The following DNAJB2 variants were observed in gnomAD, a reference collection of about 807,000 sequenced individuals.
DNAJB2 encodes the protein DnaJ heat shock protein family (Hsp40) member B2, also known as dnaJ homolog subfamily B member 2.
DNAJB2 carries 19 observed loss-of-function variants against 33.3 expected under a neutral mutation model. The observed-to-expected ratio is 0.57, with a 90% CI of 0.40 to 0.84. The LOEUF is 0.84. Among genes scored for constraint, DNAJB2 ranks in the 40% least tolerant of loss-of-function variants. DNAJB2 has a pLI of 0.00. For synonymous variants in DNAJB2, 172 were observed against 164.6 expected (o/e 1.04, Z -0.34); for missense variants, 368 against 430.9 (o/e 0.85, Z 1.29).
At position 219,281,962 on chromosome 2, in the gene DNAJB2, G is replaced by A; in HGVS notation, c.253G>A (p.Ala85Thr). ...AGGAACTGGCCCATCTCGGGCAGAA[G>A]CTGGCAGTGGTGGGCCTGGCTTCAC... ...GTGTGPSRAE[A>T]GSGGPGFTFT... The change falls in exon 5 of 9, where the codon GCT becomes ACT. Residue 85 changes from alanine to threonine, a missense_variant. Coordinates refer to ENST00000336576, the MANE Select transcript of DNAJB2 (RefSeq NM_006736.6). 6.2e-7 allele frequency: 1 copy of A among 1,614,200 alleles called. No individual in the cohort carries two copies. Among genetic ancestry groups the A allele is most frequent in the Non-Finnish European group, 8.5e-7 (1 of 1,180,038 alleles).
rs1408021796 is a variant in DNAJB2, at chr2:219,281,946, C to T, written c.237C>T (p.Gly79=). 6.2e-7 allele frequency: 1 copy of T among 1,614,084 alleles called. No individual in the cohort carries two copies. Among genetic ancestry groups the T allele is most frequent in the Non-Finnish European group, 8.5e-7 (1 of 1,179,980 alleles). Residue 79 remains glycine (G), a synonymous_variant, in exon 5 of 9, where the codon GGC becomes GGT. Transcript: ENST00000336576. ...CTCATCCTGCCTTTCCAGGAACTGG[C>T]CCATCTCGGGCAGAAGCTGGCAGTG... ...GREGLTGTGT[G]PSRAEAGSGG...
At chr2:219,283,992 TC>T (rs1951930351) in intron 8 of DNAJB2, among the ~76,000 whole-genome samples, 1 of 152,230 alleles carries the variant, frequency 6.6e-6, no homozygotes, top group South Asian at 2.1e-4. Context: ...AGCTAACCTT[TC>T]ACGCCTGCTG....
intron 5 of DNAJB2, 163 bp from the exon 6 acceptor site, chr2:219,282,674 G>C (rs906602569): frequency 1.7e-6 from 1 of 576,544 alleles, no homozygotes; most frequent in Non-Finnish European, 2.8e-6. Context: ...GAGTGTTTTC[G>C]AATTCAACAT....
rs767377598 is a variant in DNAJB2 at position 219,281,744 on chromosome 2, T to C, written c.202T>C (p.Tyr68His). Residue 68 changes from tyrosine (Y) to histidine (H), a missense_variant, in exon 4 of 9, where the codon TAT becomes CAT. By Grantham distance (83) the Tyr-to-His change is moderately conservative. Transcript: ENST00000336576. ...GCACAAGCGGGAGATTTACGACCGC[T>C]ATGGCCGGGAAGGGCTGACAGGGAC... ...DKHKREIYDR[Y>H]GREGLTGTGT... 1.2e-6 allele frequency: 2 copies of C among 1,613,984 alleles called. No individual in the cohort carries two copies. The highest frequency in any genetic ancestry group is 3.3e-5 in the Admixed American group (2 of 60,014).
intron 6 of DNAJB2, 77 bp downstream of exon 6, chr2:219,283,006 C>T (rs1951919906): frequency 5.7e-6 from 9 of 1,568,480 alleles, no homozygotes; most frequent in Non-Finnish European, 6.9e-6. Flanking sequence ...TTTTCCAAGC[C>T]TGTCTCCTGT....
At position 219,285,130 on chromosome 2, in the gene DNAJB2, A is replaced by G. The variant is rs2125083996; in HGVS notation, c.*143A>G. 6 of 1,378,472 alleles carry G rather than the reference A, an allele frequency of 4.4e-6. No homozygotes were observed. Among genetic ancestry groups the G allele is most frequent in the Non-Finnish European group, 4.7e-6 (5 of 1,061,728 alleles). 85.4% of individuals were successfully genotyped at this position (1,378,472 alleles called of 1,614,324 possible). ...CACAAGTTTCCCTCCCAGGCCCCCC[A>G]CACCCCAGTGTGGACTTGGGATTTG... On this transcript the variant is annotated 3_prime_UTR_variant, in exon 9 of 9. Coordinates refer to ENST00000336576, the MANE Select transcript of DNAJB2 (RefSeq NM_006736.6).
In DNAJB2 at chr2:219,283,457, A is replaced by C. The variant is rs750128603; in HGVS notation, c.587A>C (p.Glu196Ala). The change falls in exon 8 of 9, where the codon GAG (glutamate) becomes GCG (alanine). Residue 196 changes from glutamate to alanine, a missense_variant. Coordinates refer to ENST00000336576, the MANE Select transcript of DNAJB2 (RefSeq NM_006736.6). ...ENGQERVEVE[E>A]DGQLKSVTIN... ...GGGCAGGAGCGGGTGGAAGTGGAGG[A>C]GGATGGGCAGCTGAAGTCAGTCACA... The C allele has an allele frequency of 4.3e-6, 7 of 1,614,086 alleles. No homozygotes were observed. The South Asian group carries it at 7.7e-5, about 18-fold the overall frequency.
intron 8 of DNAJB2, among the ~76,000 whole-genome samples, chr2:219,283,783 CAG>C (rs1951928681): frequency 6.6e-6 from 1 of 152,190 alleles, no homozygotes; most frequent in Non-Finnish European, 1.5e-5. Flanking sequence ...GGGGAGTACA[CAG>C]GGCAGATGGT....
intron 4 of DNAJB2, 76 bp from the exon 5 acceptor site, chr2:219,281,863 G>A (rs1326093505): frequency 1.2e-6 from 2 of 1,604,412 alleles, no homozygotes; most frequent in African/African-American, 2.9e-5. Flanking sequence ...TCAGGCTCCT[G>A]GCTGTGCCTT....
chr2:219,284,690 A>G lies in DNAJB2; in HGVS notation c.678A>G (p.Ser226=). The G allele has an allele frequency of 6.2e-7, 1 of 1,610,218 alleles. No individual in the cohort carries two copies. The highest frequency in any genetic ancestry group is 8.5e-7 in the Non-Finnish European group (1 of 1,177,546). The change falls in exon 9 of 9, where the codon TCA becomes TCG. Residue 226 remains serine, a synonymous_variant. Transcript: ENST00000336576. ...TGAGCCGTCGCGAGCAGCAGCCGTC[A>G]GTCACTTCCAGGTCTGGGGGCACTC... The part of the protein sequence containing the change: ...LELSRREQQP[S]VTSRSGGTQV...
rs532814744 is a variant in DNAJB2, at chr2:219,279,499, C to A, written c.-56C>A. 1 of 258,134 alleles carries A rather than the reference C, an allele frequency of 3.9e-6. No homozygotes were observed. Among genetic ancestry groups the A allele is most frequent in the African/African-American group, 2.3e-5 (1 of 43,890 alleles). The allele number at this position is 258,134 out of a possible 1,614,324, so 16.0% of individuals were successfully genotyped here. ...GCAGGGGCGGGGCGCCGCAGGAGGCCGGGACTCCTGGCGGAGGAGGTGCGG... is the reference window on the plus strand; with the variant it reads ...GCAGGGGCGGGGCGCCGCAGGAGGCAGGGACTCCTGGCGGAGGAGGTGCGG... On this transcript the variant is annotated 5_prime_UTR_variant, in exon 1 of 9. Coordinates refer to ENST00000336576, the MANE Select transcript of DNAJB2 (RefSeq NM_006736.6). This position sits in a 1 kb window ranked among gnomAD's most constrained non-coding sequence, Gnocchi z 4.9.
chr2:219,281,600 C>T (rs1951904396), intron 3 of DNAJB2, 118 bp from the exon 4 acceptor site: 1 of 1,404,768 alleles, frequency 7.1e-7, no homozygotes, highest in South Asian at 1.2e-5. Flanking sequence ...CCCTGCTGTG[C>T]CTGCTTTCCC....
Position 219,285,857 on chromosome 2 carries a change from T to C in DNAJB2, c.*870T>C. 2.7e-6 allele frequency: 4 copies of C among 1,492,644 alleles called. No homozygotes were observed. The highest frequency in any genetic ancestry group is 3.6e-6 in the Non-Finnish European group (4 of 1,120,670). The allele number at this position is 1,492,644 out of a possible 1,614,324, so 92.5% of individuals were successfully genotyped here. ...GCCTAGGAGGGGACTGCACCCATACTGCTTCCCTACCACAAATCAGGGCTC... is the reference window on the plus strand; with the variant it reads ...GCCTAGGAGGGGACTGCACCCATACCGCTTCCCTACCACAAATCAGGGCTC... On this transcript the variant is annotated 3_prime_UTR_variant, in exon 9 of 9. Coordinates refer to ENST00000336576, the MANE Select transcript of DNAJB2 (RefSeq NM_006736.6).
intron 2 of DNAJB2, chr2:219,280,183 C>A: frequency 1.9e-6 from 1 of 537,774 alleles, no homozygotes. Context: ...TTTCCCCTCC[C>A]CTCCCCCTTC....
At chr2:219,283,866 A>G (rs1029922855) in intron 8 of DNAJB2, among the ~76,000 whole-genome samples, 2 of 152,184 alleles carry the variant, frequency 1.3e-5, no homozygotes, top group African/African-American at 4.8e-5. Context: ...CAAGTAGCCC[A>G]GGCCCAAGAC....
Position 219,285,882 on chromosome 2 carries a change from C to A in DNAJB2, c.*895C>A. ...TGCTTCCCTACCACAAATCAGGGCT[C>A]AGGGAGAGGCCATGCGGCCAGCCCA... On this transcript the variant is annotated 3_prime_UTR_variant, in exon 9 of 9. Coordinates refer to ENST00000336576, the MANE Select transcript of DNAJB2 (RefSeq NM_006736.6). The A allele has an allele frequency of 6.5e-7, 1 of 1,544,860 alleles. No homozygotes were observed. The highest frequency in any genetic ancestry group is 2.3e-5 in the East Asian group (1 of 43,550).
chr2:219,281,484 C>G (rs1319976809), intron 3 of DNAJB2: 3 of 579,360 alleles, frequency 5.2e-6, no homozygotes, highest in Non-Finnish European at 9.2e-6. Flanking sequence ...GTGCAACAAC[C>G]CTGTGCGGTA....
At chr2:219,281,227 G>GCACA (rs556354173) in intron 3 of DNAJB2, 66 of 186,084 alleles carry the variant, frequency 3.5e-4, no homozygotes, top group East Asian at 1.4e-3. Context: ...CACCTACCAG[G>GCACA]CACACACACA....
At chr2:219,284,364 A>G (rs572040028) in intron 8 of DNAJB2, among the ~76,000 whole-genome samples, 1 of 152,204 alleles carries the variant, frequency 6.6e-6, no homozygotes, top group Non-Finnish European at 1.5e-5. Flanking sequence ...TACAGGCATG[A>G]GCCACTGTGC....
Sources: gnomAD v4.1 joint callset for allele counts (sites outside exome capture counted in the v4.1 genomes callset) on GRCh38, gnomAD v4.1.1 for gene constraint, Gnocchi (gnomAD v3.1) non-coding constraint, MANE v1.5 for transcripts, NCBI Gene and HGNC (gene_info 2026-07-23, HGNC 2026-07-21) for gene names.